ANKRD30B: variants seen among roughly 807,000 people sequenced by gnomAD.
ANKRD30B encodes ankyrin repeat domain 30B.
A neutral mutation model predicts 202.2 loss-of-function variants in ANKRD30B; 144 were observed. The ratio of observed to expected loss-of-function variants is 0.71; its 90% CI spans 0.62 to 0.82. The LOEUF (loss-of-function observed/expected upper bound fraction) is 0.82. Ranked by LOEUF, ANKRD30B falls within the 40% of genes least tolerant of loss-of-function variation. ANKRD30B has a pLI of 0.00. For missense variants in ANKRD30B, 1,487 were observed against 1,669.1 expected (o/e 0.89, Z 1.90); for synonymous variants, 508 against 561.3 (o/e 0.91, Z 1.34).
At chr18:14,762,604 A>T (rs1915429344) in intron 6 of ANKRD30B, among the ~76,000 whole-genome samples, 1 of 152,214 alleles carries the variant, frequency 6.6e-6, no homozygotes, top group South Asian at 2.1e-4. Context: ...CTGGATAATT[A>T]GTGTGTTAAT....
rs1033568828 is a variant in ANKRD30B at position 14,748,383 on chromosome 18, G to A, written c.-37G>A. 3.5e-6 allele frequency: 5 copies of A among 1,410,606 alleles called. No individual in the cohort carries two copies. The highest frequency in any genetic ancestry group is 4.7e-6 in the Non-Finnish European group (5 of 1,074,352). The allele number at this position is 1,410,606 out of a possible 1,614,324, so 87.4% of individuals were successfully genotyped here. A position where few individuals can be genotyped will look rare whatever the true frequency, so the allele number is the denominator to read the frequency against. On this transcript the variant is annotated 5_prime_UTR_variant, in exon 1 of 44. Coordinates refer to ENST00000690538, the MANE Select transcript of ANKRD30B (RefSeq NM_001367607.2). The stretch of plus-strand genomic sequence containing the variant: ...GGGTAGGGGCTGGGGAAGGGCGAGC[G>A]GGAGGCGCGGGCTCTCTCTAGCAGG...
the ANKRD30B span, among the ~76,000 whole-genome samples, chr18:14,940,910 T>A: frequency 1.3e-5 from 2 of 152,154 alleles, no homozygotes; most frequent in African/African-American, 4.8e-5. Context: ...CCAGCCCTAG[T>A]GAGAGGCCCC....
At chr18:14,885,886 T>C in the ANKRD30B span, among the ~76,000 whole-genome samples, 3 of 152,000 alleles carry the variant, frequency 2.0e-5, no homozygotes, top group Non-Finnish European at 2.9e-5. Context: ...CATATTTTAA[T>C]TTTTTCCTTT....
At chr18:14,809,458 C>G (rs1273685486) in intron 26 of ANKRD30B, among the ~76,000 whole-genome samples, 1 of 150,704 alleles carries the variant, frequency 6.6e-6, no homozygotes, top group Admixed American at 6.6e-5. Context: ...GGGAGTATGC[C>G]TTAACCCTAA....
chr18:14,784,228 A>G, intron 12 of ANKRD30B, 108 bp from the exon 13 acceptor site: 2 of 1,138,374 alleles, frequency 1.8e-6, no homozygotes, highest in Non-Finnish European at 2.6e-6. Flanking sequence ...TAAACTATTC[A>G]TTCTCAAAGT....
chr18:14,787,196 G>T, intron 15 of ANKRD30B, 96 bp downstream of exon 15: 1 of 1,069,704 alleles, frequency 9.3e-7, no homozygotes, highest in Non-Finnish European at 1.3e-6. Flanking sequence ...CTCTGCATAT[G>T]TCACCCCCAA....
intron 24 of ANKRD30B, among the ~76,000 whole-genome samples, chr18:14,804,570 G>C (rs560087807): frequency 1.3e-5 from 2 of 150,734 alleles, no homozygotes; most frequent in Non-Finnish European, 3.0e-5. Flanking sequence ...GTTGGACCTT[G>C]CTCTGAGTAG....
the ANKRD30B span, among the ~76,000 whole-genome samples, chr18:14,885,028 C>T: frequency 2.0e-5 from 3 of 151,998 alleles, no homozygotes; most frequent in Non-Finnish European, 4.4e-5. Flanking sequence ...AGAATTCAAA[C>T]CAGAGAGACC....
chr18:14,777,059 A>C (rs145253861), intron 9 of ANKRD30B, among the ~76,000 whole-genome samples: 70 of 152,312 alleles, frequency 4.6e-4, no homozygotes, highest in Middle Eastern at 3.4e-3. Context: ...ATTTTTGGTG[A>C]GGACTACAGA....
chr18:14,860,771 G>A, the ANKRD30B span, among the ~76,000 whole-genome samples: 2 of 151,752 alleles, frequency 1.3e-5, no homozygotes, highest in African/African-American at 2.4e-5. Flanking sequence ...GTGGTGTGAT[G>A]TCAGCTCACT....
At chr18:14,799,563 G>C (rs943288580) in intron 22 of ANKRD30B, among the ~76,000 whole-genome samples, 13 of 152,096 alleles carry the variant, frequency 8.5e-5, no homozygotes, top group African/African-American at 2.9e-4. Context: ...ATTTCTGTAC[G>C]TGCTCGGTTT....
chr18:14,796,868 T>C (rs1968936362), intron 18 of ANKRD30B, among the ~76,000 whole-genome samples: 1 of 152,070 alleles, frequency 6.6e-6, no homozygotes, highest in Non-Finnish European at 1.5e-5. Flanking sequence ...GGTGAGATGG[T>C]CCCATGTGGA....
rs1182640650 is a variant in ANKRD30B at position 14,845,316 on chromosome 18, C to A, written c.3181+2220C>A. ...CTTTCAGTTTTCTGCATATGGCCAGCCAGTTTTCCCAACATCATTTATTAA... is the reference window on the plus strand; with the variant it reads ...CTTTCAGTTTTCTGCATATGGCCAGACAGTTTTCCCAACATCATTTATTAA... On this transcript the variant is annotated intron_variant, in intron 39 of 43. Transcript: ENST00000690538. Among the ~76,000 whole-genome samples the A allele has an allele frequency of 1.1e-4, 16 of 149,878 alleles. No individual in the cohort carries two copies. In the East Asian group the frequency reaches 3.1e-3, roughly 29 times the overall value.
At chr18:14,888,160 GAGA>G in the ANKRD30B span, among the ~76,000 whole-genome samples, 1 of 151,694 alleles carries the variant, frequency 6.6e-6, no homozygotes, top group East Asian at 1.9e-4. Context: ...AGATTTTTTT[GAGA>G]ATATTCTTTT....
At chr18:14,844,148 T>C (rs894634815) in intron 39 of ANKRD30B, among the ~76,000 whole-genome samples, 6 of 152,232 alleles carry the variant, frequency 3.9e-5, no homozygotes, top group African/African-American at 7.2e-5. Context: ...TATTAGGTTC[T>C]TTATAGAATT....
the ANKRD30B span, among the ~76,000 whole-genome samples, chr18:14,872,183 G>T: frequency 4.2e-4 from 64 of 152,310 alleles, no homozygotes; most frequent in East Asian, 0.011. Context: ...CAGCCAGGAA[G>T]TCACTTCCTT....
chr18:14,818,384 A>T (rs1970226849), intron 30 of ANKRD30B, among the ~76,000 whole-genome samples: 1 of 151,976 alleles, frequency 6.6e-6, no homozygotes, highest in East Asian at 1.9e-4. Context: ...ATTATACTTT[A>T]AGTTTTAGGG....
intron 10 of ANKRD30B, among the ~76,000 whole-genome samples, chr18:14,779,510 T>C (rs1011741316): frequency 1.4e-4 from 22 of 152,224 alleles, no homozygotes; most frequent in African/African-American, 5.1e-4. Flanking sequence ...AAAAAGTTAA[T>C]TTCTTGAAGA....
At chr18:14,923,164 A>G in the ANKRD30B span, among the ~76,000 whole-genome samples, 6 of 152,170 alleles carry the variant, frequency 3.9e-5, no homozygotes, top group Non-Finnish European at 8.8e-5. Flanking sequence ...GGTTTCAGTA[A>G]CCAGCTCAGC....
Sources: gnomAD v4.1 joint callset for allele counts (sites outside exome capture counted in the v4.1 genomes callset) on GRCh38, gnomAD v4.1.1 for gene constraint, MANE v1.5 for transcripts, NCBI Gene and HGNC (gene_info 2026-07-23, HGNC 2026-07-21) for gene names.